Variants in MED13L observed in about 807,000 individuals in gnomAD.
MED13L encodes mediator complex subunit 13L, also known as mediator of RNA polymerase II transcription subunit 13-like.
MED13L carries 7 observed loss-of-function variants against 220.9 expected under a neutral mutation model. The ratio of observed to expected loss-of-function variants is 0.03; its 90% CI spans 0.02 to 0.06. MED13L has a LOEUF of 0.06. Among genes scored for constraint, MED13L ranks in the 10% least tolerant of loss-of-function variants. MED13L has a pLI of 1.00. For missense variants in MED13L, 1,965 were observed against 2,760.5 expected (o/e 0.71, Z 6.46); for synonymous variants, 1,011 against 1,015.2 (o/e 1.00, Z 0.08).
chr12:115,971,368 T>C (rs1338387920), intron 26 of MED13L, among the ~76,000 whole-genome samples: 3 of 152,186 alleles, frequency 2.0e-5, no homozygotes, highest in Admixed American at 6.5e-5. Flanking sequence ...TCTCACTGGA[T>C]TGATGACAAG....
rs570402410 is a variant in MED13L at position 116,165,071 on chromosome 12, G to A, written c.311-53559C>T. Among the ~76,000 whole-genome samples the A allele has an allele frequency of 3.9e-5, 6 of 152,180 alleles. No homozygotes were observed. The East Asian group carries it at 1.2e-3, about 29-fold the overall frequency. On this transcript the variant is annotated intron_variant, in intron 2 of 30. Transcript: ENST00000281928. ...TCATGTACCTGCTTTTGGATTATGA[G>A]TCAGTATTAATCATCCAAACAAGTA...
chr12:116,218,266 C>G (rs1883117547), intron 2 of MED13L, among the ~76,000 whole-genome samples: 1 of 152,108 alleles, frequency 6.6e-6, no homozygotes, highest in Admixed American at 6.6e-5. Flanking sequence ...TTTTATAGCT[C>G]TCAAGAATAT....
chr12:116,230,418 T>A (rs1869444221), intron 2 of MED13L: 18 of 930,688 alleles, frequency 1.9e-5, no homozygotes, highest in Non-Finnish European at 2.1e-5. Flanking sequence ...TAAAAAAAAG[T>A]AAAATGAAAC....
At chr12:116,019,719 T>C (rs987114934) in intron 6 of MED13L, 59 bp downstream of exon 6, 1 of 1,532,954 alleles carries the variant, frequency 6.5e-7, no homozygotes, top group Non-Finnish European at 9.0e-7. Context: ...ATGATTATCT[T>C]TTTAAATTAA....
At position 115,968,954 on chromosome 12, in the gene MED13L, A is replaced by G; in HGVS notation, c.6211T>C (p.Phe2071Leu). Residue 2071 changes from phenylalanine to leucine, a missense_variant, in exon 28 of 31, where the codon TTC becomes CTC. By Grantham distance (22) the Phe-to-Leu change is conservative (BLOSUM62 0). Coordinates refer to ENST00000281928, the MANE Select transcript of MED13L (RefSeq NM_015335.5). ...SPSGIGVGSH[F>L]QHSRSQGERL... ...ATCATCCTTACCCGACTATGCTGGAAGTGAGAGCCCACACCAATTCCAGAA... is the reference window on the plus strand; with the variant it reads ...ATCATCCTTACCCGACTATGCTGGAGGTGAGAGCCCACACCAATTCCAGAA... 1 of 1,614,076 alleles carries G rather than the reference A, an allele frequency of 6.2e-7. No homozygotes were observed. Among genetic ancestry groups the G allele is most frequent in the South Asian group, 1.1e-5 (1 of 91,080 alleles).
intron 14 of MED13L, among the ~76,000 whole-genome samples, chr12:116,001,142 C>T (rs547251549): frequency 3.9e-5 from 6 of 152,130 alleles, no homozygotes; most frequent in Admixed American, 2.6e-4. Context: ...ATGTGGCTCT[C>T]ATTTGTGGCT....
At chr12:115,987,365 C>G (rs962442194) in intron 17 of MED13L, 77 bp from the exon 18 acceptor site, 2 of 1,322,790 alleles carry the variant, frequency 1.5e-6, no homozygotes, top group Non-Finnish European at 2.1e-6. Context: ...CCTCGAGCCT[C>G]AGTTATATTC....
intron 25 of MED13L, among the ~76,000 whole-genome samples, chr12:115,973,627 C>T (rs903545685): frequency 5.3e-5 from 8 of 152,120 alleles, no homozygotes; most frequent in Admixed American, 5.2e-4. Context: ...GTCTAACTTT[C>T]CCCAAGGGTT....
intron 2 of MED13L, among the ~76,000 whole-genome samples, chr12:116,203,765 G>A (rs1387343110): frequency 6.6e-6 from 1 of 152,020 alleles, no homozygotes; most frequent in Admixed American, 6.6e-5. Context: ...AGGTTGCAGT[G>A]AGCCGAGATC....
At chr12:115,966,385 A>C in intron 28 of MED13L, 142 bp from the exon 29 acceptor site, 1 of 953,772 alleles carries the variant, frequency 1.0e-6, no homozygotes, top group Non-Finnish European at 1.6e-6. Context: ...TGACTGAGAA[A>C]GGTAAGCGGG....
At position 115,966,186 on chromosome 12, in the gene MED13L, G is replaced by A. The variant is rs1209100440; in HGVS notation, c.6283C>T (p.Leu2095=). The change falls in exon 29 of 31, where the codon CTG becomes TTG. Residue 2095 remains leucine, a synonymous_variant. Coordinates refer to ENST00000281928, the MANE Select transcript of MED13L (RefSeq NM_015335.5). The stretch of plus-strand genomic sequence containing the variant: ...GTTGATACAAAATACCCAAGGGCCA[G>A]GGGCTGCTGCTTTAGCTCCTCTGGT... ...EAPEELKQQP[L]ALGYFVSTAK... 2 of 1,614,060 alleles carry A rather than the reference G, an allele frequency of 1.2e-6. No homozygotes were observed.
At chr12:116,053,823 A>C (rs1333414751) in intron 4 of MED13L, among the ~76,000 whole-genome samples, 1 of 152,190 alleles carries the variant, frequency 6.6e-6, no homozygotes, top group East Asian at 1.9e-4. Context: ...TTTCACCTTA[A>C]ATCAGCTCAT....
intron 1 of MED13L, among the ~76,000 whole-genome samples, chr12:116,275,740 T>TC (rs923800865): frequency 5.3e-4 from 80 of 151,336 alleles, no homozygotes; most frequent in African/African-American, 1.7e-3. Context: ...GGGACTCACC[T>TC]CCCCCCCAAA....
At chr12:116,109,336 C>CA (rs1301085096) in intron 3 of MED13L, among the ~76,000 whole-genome samples, 8 of 151,806 alleles carry the variant, frequency 5.3e-5, no homozygotes, top group African/African-American at 1.7e-4. Context: ...CAATTTCCAA[C>CA]AAAAAAATTC....
At chr12:116,255,290 AC>A (rs1401629169) in intron 1 of MED13L, among the ~76,000 whole-genome samples, 1 of 152,248 alleles carries the variant, frequency 6.6e-6, no homozygotes, top group Non-Finnish European at 1.5e-5. Flanking sequence ...TAAGTCTTCA[AC>A]AAATGATGTT....
At chr12:116,254,032 A>ATTAC (rs2138530287) in intron 1 of MED13L, among the ~76,000 whole-genome samples, 1 of 152,138 alleles carries the variant, frequency 6.6e-6, no homozygotes, top group East Asian at 1.9e-4. Context: ...AATTGCTGGG[A>ATTAC]TTACAGGTGT....
intron 1 of MED13L, among the ~76,000 whole-genome samples, chr12:116,269,022 C>T (rs921850382): frequency 6.6e-6 from 1 of 152,086 alleles, no homozygotes; most frequent in African/African-American, 2.4e-5. Context: ...CATGGTGACT[C>T]GCTGCACAGA....
chr12:115,984,051 C>A, intron 20 of MED13L, 129 bp downstream of exon 20: 1 of 1,093,918 alleles, frequency 9.1e-7, no homozygotes, highest in South Asian at 1.3e-5. Context: ...GAACACCAAA[C>A]TGGACCTTAA....
At chr12:116,202,886 G>T (rs1882091698) in intron 2 of MED13L, among the ~76,000 whole-genome samples, 1 of 152,186 alleles carries the variant, frequency 6.6e-6, no homozygotes, top group South Asian at 2.1e-4. Context: ...TCTCAAAAAT[G>T]TAAGAAAATC....
Sources: allele counts gnomAD v4.1 joint callset (sites outside exome capture counted in the v4.1 genomes callset), GRCh38; gene constraint gnomAD v4.1.1; transcripts MANE v1.5; gene names NCBI Gene and HGNC (gene_info 2026-07-23, HGNC 2026-07-21).